The following HCN2 variants were observed in gnomAD, a reference collection of about 807,000 sequenced individuals.
HCN2 encodes the protein potassium/sodium hyperpolarization-activated cyclic nucleotide-gated channel 2.
In HCN2, 20 loss-of-function variants were observed where a neutral mutation model predicts 52.3. That is an observed-to-expected ratio of 0.38 (90% CI 0.27 to 0.56). The LOEUF (loss-of-function observed/expected upper bound fraction) is 0.56. Among genes scored for constraint, HCN2 ranks in the 20% least tolerant of loss-of-function variants. HCN2 has a pLI of 0.71. For missense variants in HCN2, 981 were observed against 1,207.7 expected (o/e 0.81, Z 2.78); for synonymous variants, 694 against 537.0 (o/e 1.29, Z -4.04).
chr19:597,694 TTGGTGGTTTCTAGGTCTTCC>T (rs1250203263), intron 1 of HCN2, among the ~76,000 whole-genome samples: 67 of 149,344 alleles, frequency 4.5e-4, no homozygotes, highest in Non-Finnish European at 8.5e-4. Flanking sequence ...CTAGGTCTCC[TTGGTGGTTTCTAGGTCTTCC>T]TGGTGGTTTC....
At chr19:594,397 C>CCTG (rs931481992) in intron 1 of HCN2, among the ~76,000 whole-genome samples, 5 of 152,184 alleles carry the variant, frequency 3.3e-5, no homozygotes, top group African/African-American at 1.2e-4. Context: ...CCTGCCGTCT[C>CCTG]CTGCTGCTGC....
chr19:616,357 G>T lies in HCN2; in HGVS notation c.2553G>T (p.Thr851=). 8.2e-7 allele frequency: 1 copy of T among 1,213,240 alleles called. No individual in the cohort carries two copies. The highest frequency in any genetic ancestry group is 1.0e-6 in the Non-Finnish European group (1 of 965,078). 75.2% of individuals were successfully genotyped at this position (1,213,240 alleles called of 1,614,324 possible). A position where few individuals can be genotyped will look rare whatever the true frequency, so the allele number is the denominator to read the frequency against. ...ASSSTPRLGP[T]PAARAAAPSP... ...GCTCCACACCGCGCTTGGGGCCCAC[G>T]CCCGCTGCCCGGGCCGCCGCGCCCA... is the stretch of plus-strand genomic sequence containing the variant. Residue 851 remains threonine, a synonymous_variant, in exon 8 of 8, where the codon ACG becomes ACT. Coordinates refer to ENST00000251287, the MANE Select transcript of HCN2 (RefSeq NM_001194.4).
chr19:612,393 G>GGTGTGTGTGTGTGTGTGTGTGTGTGTGT (rs140326049), intron 5 of HCN2, among the ~76,000 whole-genome samples: 2 of 141,870 alleles, frequency 1.4e-5, no homozygotes, highest in East Asian at 4.1e-4. Context: ...GCTTTCCACT[G>GGTGTGTGTGTGTGTGTGTGTGTGTGTGT]GTGTGTGTGT....
intron 1 of HCN2, among the ~76,000 whole-genome samples, chr19:595,218 C>A (rs187662643): frequency 9.2e-5 from 14 of 151,964 alleles, no homozygotes; most frequent in Middle Eastern, 3.4e-3. Context: ...ATAAAAAAAA[C>A]CTAAAAACCC....
At chr19:598,363 A>G (rs961773704) in intron 1 of HCN2, among the ~76,000 whole-genome samples, 9 of 151,434 alleles carry the variant, frequency 5.9e-5, no homozygotes, top group South Asian at 2.1e-4. Context: ...CTGGAGTGCA[A>G]TGGTGCAGTT....
chr19:605,272 AG>A (rs761920931), intron 3 of HCN2, 50 bp downstream of exon 3: 4 of 1,584,050 alleles, frequency 2.5e-6, no homozygotes, highest in Admixed American at 1.7e-5. Context: ...TCCCATACAG[AG>A]GGGGGACCCA....
chr19:606,175 C>G (rs1983422059), intron 3 of HCN2, among the ~76,000 whole-genome samples: 1 of 152,046 alleles, frequency 6.6e-6, no homozygotes, highest in Non-Finnish European at 1.5e-5. Context: ...TCTCGGCTTA[C>G]CACAAACCCC....
At chr19:602,971 G>A (rs1384700584) in intron 1 of HCN2, among the ~76,000 whole-genome samples, 27 of 61,380 alleles carry the variant, frequency 4.4e-4, no homozygotes, top group Non-Finnish European at 7.6e-4. Context: ...ACCGGCCTGA[G>A]CTGTGGGCAC....
At chr19:602,931 G>A (rs1568363617) in intron 1 of HCN2, among the ~76,000 whole-genome samples, 1 of 148,786 alleles carries the variant, frequency 6.7e-6, no homozygotes, top group Non-Finnish European at 1.5e-5. Context: ...AGTGCCCAGG[G>A]CTTGTCCTGC....
intron 1 of HCN2, among the ~76,000 whole-genome samples, chr19:597,911 G>T (rs1465330107): frequency 6.6e-6 from 1 of 152,186 alleles, no homozygotes; most frequent in African/African-American, 2.4e-5. Context: ...GGTCTCTGGA[G>T]CCCCCTGGGA....
intron 1 of HCN2, among the ~76,000 whole-genome samples, chr19:598,591 C>T (rs1983107032): frequency 6.6e-6 from 1 of 152,082 alleles, no homozygotes; most frequent in African/African-American, 2.4e-5. Flanking sequence ...GAAGCATGAG[C>T]CCCTGCACCC....
chr19:616,082 C>T lies in HCN2; in HGVS notation c.2278C>T (p.Arg760Cys), dbSNP rs1600543351. Residue 760 changes from arginine to cysteine, a missense_variant, in exon 8 of 8, where the codon CGC becomes TGC. This residue lies in a region of HCN2 where 368 missense variants were observed against 314.8 expected (regional missense o/e 1.17). Transcript: ENST00000251287. ...LALGSPRLVRRPPPGPAPAAA... is the reference protein window; with the variant it reads ...LALGSPRLVRCPPPGPAPAAA... ...GCTCGGCTCGCCGCGCCTCGTGCGC[C>T]GCCCGCCCCCGGGGCCCGCACCTGC... 13 of 1,039,154 alleles carry T rather than the reference C, an allele frequency of 1.3e-5. No individual in the cohort carries two copies. Among genetic ancestry groups the T allele is most frequent in the African/African-American group, 1.7e-5 (1 of 57,860 alleles). The allele number at this position is 1,039,154 out of a possible 1,614,324, so 64.4% of individuals were successfully genotyped here.
intron 7 of HCN2, among the ~76,000 whole-genome samples, chr19:615,248 G>A (rs1159993752): frequency 1.6e-5 from 2 of 123,974 alleles, no homozygotes; most frequent in African/African-American, 2.6e-5. Flanking sequence ...GGTGGCTCAC[G>A]CCTGTAGTCC....
intron 1 of HCN2, among the ~76,000 whole-genome samples, chr19:596,007 G>A (rs372281117): frequency 2.8e-4 from 43 of 152,304 alleles, no homozygotes; most frequent in African/African-American, 9.1e-4. Flanking sequence ...AGACCCCCTG[G>A]GCAGGCCCTC....
At chr19:601,963 G>A (rs896403629) in intron 1 of HCN2, among the ~76,000 whole-genome samples, 7 of 151,990 alleles carry the variant, frequency 4.6e-5, no homozygotes, top group Admixed American at 6.5e-5. Context: ...TCTTGTCCAC[G>A]GGTATTTATC....
chr19:602,690 T>TG (rs1339821520), intron 1 of HCN2, among the ~76,000 whole-genome samples: 1 of 152,202 alleles, frequency 6.6e-6, no homozygotes. Context: ...CTGTCCTGTC[T>TG]ATTTTTTTAA....
intron 5 of HCN2, 73 bp from the exon 6 acceptor site, chr19:613,175 G>C: frequency 6.6e-7 from 1 of 1,519,882 alleles, no homozygotes; most frequent in Non-Finnish European, 8.9e-7. Context: ...GAGGTGAGCC[G>C]GTCCCAGAGG....
rs868098996 is a variant in HCN2, at chr19:616,925, C to G, written c.*451C>G. 2.8e-6 allele frequency: 1 copy of G among 362,390 alleles called. No homozygotes were observed. The highest frequency in any genetic ancestry group is 2.5e-5 in the South Asian group (1 of 40,150). The allele number at this position is 362,390 out of a possible 1,614,324, so 22.4% of individuals were successfully genotyped here. A position where few individuals can be genotyped will look rare whatever the true frequency, so the allele number is the denominator to read the frequency against. On this transcript the variant is annotated 3_prime_UTR_variant, in exon 8 of 8. Coordinates refer to ENST00000251287, the MANE Select transcript of HCN2 (RefSeq NM_001194.4). ...CATCGCGCTCACGCAATAACCGGCC[C>G]GGCCCCCGTCCGCGCGCGTCCCCCG...
chr19:594,118 GGA>G (rs1019119825), intron 1 of HCN2, among the ~76,000 whole-genome samples: 2 of 150,892 alleles, frequency 1.3e-5, no homozygotes, highest in African/African-American at 4.9e-5. Context: ...TGTCTCCGCA[GGA>G]GAGGGGCTGG....
Sources: allele counts gnomAD v4.1 joint callset (sites outside exome capture counted in the v4.1 genomes callset), GRCh38; gene constraint gnomAD v4.1.1; regional missense constraint gnomAD v4.1.1; transcripts MANE v1.5; gene names NCBI Gene and HGNC (gene_info 2026-07-23, HGNC 2026-07-21).